DPT: variants seen among roughly 807,000 people sequenced by gnomAD.
DPT encodes the protein dermatopontin.
In DPT, 21 loss-of-function variants were observed where a neutral mutation model predicts 31.2. The observed-to-expected ratio is 0.67, with a 90% CI of 0.48 to 0.97. The LOEUF (loss-of-function observed/expected upper bound fraction) is 0.97. Ranked by LOEUF, DPT falls within the 50% of genes least tolerant of loss-of-function variation. The pLI is 0.00. For synonymous variants in DPT, 91 were observed against 86.9 expected (o/e 1.05, Z -0.26); for missense variants, 262 against 258.8 (o/e 1.01, Z -0.08).
intron 2 of DPT, among the ~76,000 whole-genome samples, chr1:168,702,543 C>A (rs895475271): frequency 6.6e-6 from 1 of 151,754 alleles, no homozygotes; most frequent in African/African-American, 2.4e-5. Context: ...TAAGGTCCTG[C>A]AAATCCAGAA....
chr1:168,713,540 A>G (rs7548437), intron 2 of DPT, among the ~76,000 whole-genome samples: 4,320 of 152,242 alleles, frequency 0.028, 210 homozygotes, highest in African/African-American at 0.098. Context: ...GATTAAAAAA[A>G]CCTGGGCCGG....
chr1:168,703,142 C>G (rs971241338), intron 2 of DPT, among the ~76,000 whole-genome samples: 1 of 152,170 alleles, frequency 6.6e-6, no homozygotes, highest in Non-Finnish European at 1.5e-5. Flanking sequence ...TGAAGCATCT[C>G]TGGATACAAT....
chr1:168,707,729 G>A (rs1379534278), intron 2 of DPT, among the ~76,000 whole-genome samples: 2 of 152,150 alleles, frequency 1.3e-5, no homozygotes, highest in African/African-American at 2.4e-5. Context: ...GAGTTCTCAC[G>A]AGATCTGATG....
chr1:168,723,485 G>T (rs1650167111), intron 1 of DPT, among the ~76,000 whole-genome samples: 1 of 152,208 alleles, frequency 6.6e-6, no homozygotes, highest in East Asian at 1.9e-4. Context: ...ACATATAAAT[G>T]AGGAATACTC....
chr1:168,709,304 GT>G (rs1649796959), intron 2 of DPT, among the ~76,000 whole-genome samples: 1 of 152,192 alleles, frequency 6.6e-6, no homozygotes, highest in Non-Finnish European at 1.5e-5. Context: ...TGTCTAAAGG[GT>G]TGTGGCAACT....
At chr1:168,715,812 A>G (rs962626718) in intron 1 of DPT, among the ~76,000 whole-genome samples, 3 of 152,146 alleles carry the variant, frequency 2.0e-5, no homozygotes, top group African/African-American at 4.8e-5. Context: ...CTTCCAAAAT[A>G]GTTCTTCAGT....
intron 1 of DPT, among the ~76,000 whole-genome samples, chr1:168,715,626 G>A (rs559562272): frequency 3.3e-5 from 5 of 152,260 alleles, no homozygotes; most frequent in East Asian, 1.9e-4. Flanking sequence ...ATGTATTGAC[G>A]AATTTCAAAT....
chr1:168,714,499 G>A (rs900514931), intron 1 of DPT, among the ~76,000 whole-genome samples, 153 bp from the exon 2 acceptor site: 3 of 152,078 alleles, frequency 2.0e-5, no homozygotes, highest in Non-Finnish European at 4.4e-5. Flanking sequence ...TATTATATTT[G>A]TAGAAATAAC....
intron 2 of DPT, among the ~76,000 whole-genome samples, chr1:168,711,542 C>T (rs1477894279): frequency 5.3e-5 from 8 of 152,228 alleles, no homozygotes. Flanking sequence ...TCCTCTCTGC[C>T]TGGGGAAGAA....
In DPT at chr1:168,717,727, T is replaced by C. The variant is rs1185752043; in HGVS notation, c.306-3381A>G. On this transcript the variant is annotated intron_variant, in intron 1 of 3. Transcript: ENST00000367817. ...AAGTCTTTAATTAATCTTGAGTTAA[T>C]TTTTGTATAAGGTGTAAGGAAGGGG... is the stretch of plus-strand genomic sequence containing the variant. 3.9e-5 allele frequency among the ~76,000 whole-genome samples: 6 copies of C among 152,328 alleles called. No homozygotes were observed. The East Asian group carries it at 1.2e-3, about 29-fold the overall frequency.
chr1:168,703,475 A>C (rs1649648791), intron 2 of DPT, among the ~76,000 whole-genome samples: 1 of 152,204 alleles, frequency 6.6e-6, no homozygotes, highest in Non-Finnish European at 1.5e-5. Flanking sequence ...ACCAGACATA[A>C]GCCCCCTGTC....
chr1:168,725,555 A>G (rs1444514508), intron 1 of DPT, among the ~76,000 whole-genome samples: 1 of 152,162 alleles, frequency 6.6e-6, no homozygotes, highest in Non-Finnish European at 1.5e-5. Context: ...AGATTCCCTG[A>G]GAACAACCTA....
chr1:168,705,010 G>T (rs1456048675), intron 2 of DPT, among the ~76,000 whole-genome samples: 4 of 152,124 alleles, frequency 2.6e-5, no homozygotes, highest in Admixed American at 2.0e-4. Flanking sequence ...CTGAGTCCAG[G>T]TATACGCTCT....
intron 2 of DPT, among the ~76,000 whole-genome samples, chr1:168,710,266 G>A (rs899321111): frequency 2.1e-4 from 32 of 152,194 alleles, no homozygotes; most frequent in Admixed American, 9.8e-4. Flanking sequence ...TTTGGTGACC[G>A]TGATAGCTCT....
At chr1:168,721,282 G>A (rs1052065624) in intron 1 of DPT, among the ~76,000 whole-genome samples, 1 of 152,128 alleles carries the variant, frequency 6.6e-6, no homozygotes. Context: ...CTCCCCTTCT[G>A]CTGATATTTA....
At chr1:168,721,835 T>A (rs894330211) in intron 1 of DPT, among the ~76,000 whole-genome samples, 1 of 152,208 alleles carries the variant, frequency 6.6e-6, no homozygotes, top group Admixed American at 6.5e-5. Context: ...TAAATAGTGT[T>A]AAGTTGCACA....
chr1:168,699,382 A>C (rs142365010), intron 3 of DPT, among the ~76,000 whole-genome samples: 136 of 152,222 alleles, frequency 8.9e-4, no homozygotes, highest in Admixed American at 5.8e-3. Flanking sequence ...CATTGGTGGA[A>C]TGAGTTTCAT....
At chr1:168,724,173 G>A (rs1557851888) in intron 1 of DPT, among the ~76,000 whole-genome samples, 1 of 152,242 alleles carries the variant, frequency 6.6e-6, no homozygotes, top group Non-Finnish European at 1.5e-5. Context: ...CGGCGGCAAA[G>A]TGTGTCAGCC....
At chr1:168,697,090 T>C (rs2101897070) in intron 3 of DPT, among the ~76,000 whole-genome samples, 2 of 152,046 alleles carry the variant, frequency 1.3e-5, no homozygotes, top group East Asian at 3.9e-4. Context: ...GTGGAAACCC[T>C]GACTCCACAA....
Sources: allele counts gnomAD v4.1 joint callset (sites outside exome capture counted in the v4.1 genomes callset), GRCh38; gene constraint gnomAD v4.1.1; transcripts MANE v1.5; gene names NCBI Gene and HGNC (gene_info 2026-07-23, HGNC 2026-07-21).